Variants in PCDH11Y observed in about 807,000 individuals in gnomAD.
PCDH11Y encodes the protein protocadherin 11 Y-linked, also known as protocadherin-11 Y-linked.
For missense variants in PCDH11Y, 12 were observed against 224.8 expected, an observed-to-expected ratio of 0.05 and a Z score of 6.05; for synonymous variants, 9 against 83.6, an observed-to-expected ratio of 0.11 and a Z score of 4.87.
chrY:5,195,528 A>C, intron 2 of PCDH11Y, among the ~76,000 whole-genome samples: 1 of 33,177 alleles, frequency 3.0e-5, no homozygotes, highest in Non-Finnish European at 7.4e-5. Flanking sequence ...TAACTTTAAA[A>C]TACATAGAAA....
chrY:5,484,926 C>A, intron 2 of PCDH11Y, among the ~76,000 whole-genome samples: 1 of 33,194 alleles, frequency 3.0e-5, no homozygotes, highest in Non-Finnish European at 7.4e-5. Flanking sequence ...TTTCTGTCCT[C>A]GAAGACAAGT....
downstream of PCDH11Y, chrY:5,105,127 A>G: frequency 1.0e-5 from 1 of 96,694 alleles, no homozygotes; most frequent in Middle Eastern, 4.2e-3. Context: ...CTGTAGTCCC[A>G]GCTACTCGGG....
intron 1 of PCDH11Y, among the ~76,000 whole-genome samples, chrY:5,009,239 G>C: frequency 3.0e-5 from 1 of 32,880 alleles, no homozygotes. Context: ...TTTGTTTTTT[G>C]TTGCAGTAAA....
intron 2 of PCDH11Y, among the ~76,000 whole-genome samples, chrY:5,409,778 C>A (rs2053244551): frequency 3.0e-5 from 1 of 33,136 alleles, no homozygotes; most frequent in Non-Finnish European, 7.4e-5. Context: ...AATTTTGTTT[C>A]TTATTGTTAT....
intron 1 of PCDH11Y, among the ~76,000 whole-genome samples, chrY:5,013,622 A>T: frequency 3.0e-5 from 1 of 33,433 alleles, no homozygotes; most frequent in African/African-American, 1.2e-4. Flanking sequence ...AAGGAAATGG[A>T]TTAATTATAT....
At chrY:5,540,084 T>G in intron 3 of PCDH11Y, among the ~76,000 whole-genome samples, 1 of 32,388 alleles carries the variant, frequency 3.1e-5, no homozygotes, top group Non-Finnish European at 7.7e-5. Flanking sequence ...TTGCATTATC[T>G]TCTTTCCTCT....
At chrY:5,071,472 T>C in intron 1 of PCDH11Y, among the ~76,000 whole-genome samples, 2 of 30,712 alleles carry the variant, frequency 6.5e-5, no homozygotes, top group African/African-American at 2.5e-4. Context: ...CTCCATTAGA[T>C]GTTCTTTTCT....
At chrY:5,292,309 A>G in intron 2 of PCDH11Y, among the ~76,000 whole-genome samples, 4 of 33,086 alleles carry the variant, frequency 1.2e-4, no homozygotes, top group African/African-American at 3.5e-4. Context: ...TTTTTTGAAA[A>G]GTTTGAGTAG....
chrY:5,410,365 T>A (rs2053245788), intron 2 of PCDH11Y, among the ~76,000 whole-genome samples: 2 of 23,931 alleles, frequency 8.4e-5, no homozygotes, highest in Non-Finnish European at 1.6e-4. Context: ...AGCGAAACCC[T>A]GTCTCAAAAA....
intron 1 of PCDH11Y, among the ~76,000 whole-genome samples, chrY:5,005,602 A>G (rs2052538492): frequency 3.0e-5 from 1 of 33,126 alleles, no homozygotes; most frequent in Non-Finnish European, 7.5e-5. Flanking sequence ...TCCCTGCATC[A>G]TCTCTGAACC....
intron 2 of PCDH11Y, among the ~76,000 whole-genome samples, chrY:5,311,693 T>C (rs2053101188): frequency 1.0e-4 from 3 of 29,042 alleles, no homozygotes; most frequent in Non-Finnish European, 2.4e-4. Flanking sequence ...TAGCTCTTTT[T>C]TATTTGTTTA....
At chrY:5,429,425 G>A in intron 2 of PCDH11Y, among the ~76,000 whole-genome samples, 1 of 33,337 alleles carries the variant, frequency 3.0e-5, no homozygotes, top group Non-Finnish European at 7.4e-5. Context: ...TGGAGGATTG[G>A]CATCTATCCA....
intron 2 of PCDH11Y, among the ~76,000 whole-genome samples, chrY:5,262,116 G>C: frequency 6.1e-5 from 2 of 32,923 alleles, no homozygotes; most frequent in Non-Finnish European, 1.5e-4. Context: ...ATATTCCTTT[G>C]GGATTCCTTT....
chrY:5,005,401 T>A, intron 1 of PCDH11Y, among the ~76,000 whole-genome samples: 1 of 33,568 alleles, frequency 3.0e-5, no homozygotes, highest in Non-Finnish European at 7.4e-5. Flanking sequence ...CTTTGGGGAA[T>A]AAAATTTCTC....
chrY:5,711,528 C>T, intron 4 of PCDH11Y, among the ~76,000 whole-genome samples: 2 of 31,518 alleles, frequency 6.3e-5, no homozygotes, highest in South Asian at 7.4e-4. Context: ...CACTGGCTCA[C>T]GCCTGTAATC....
intron 2 of PCDH11Y, among the ~76,000 whole-genome samples, chrY:5,117,210 T>A (rs2124639674): frequency 2.1e-4 from 7 of 32,582 alleles, no homozygotes; most frequent in African/African-American, 8.4e-4. Context: ...GGAAAACAGT[T>A]TTCTGATCAT....
intron 2 of PCDH11Y, among the ~76,000 whole-genome samples, chrY:5,308,656 C>T (rs2053092984): frequency 6.0e-5 from 2 of 33,207 alleles, no homozygotes; most frequent in African/African-American, 1.2e-4. Context: ...AGCAAGACTC[C>T]GTCAAAAACA....
chrY:5,525,992 AAAGT>A (rs2053387508), intron 3 of PCDH11Y, among the ~76,000 whole-genome samples: 1 of 31,789 alleles, frequency 3.1e-5, no homozygotes. Context: ...GGTAGAGAAA[AAAGT>A]AAGCATATTC....
intron 2 of PCDH11Y, among the ~76,000 whole-genome samples, chrY:5,499,874 C>T: frequency 3.1e-5 from 1 of 32,218 alleles, no homozygotes. Flanking sequence ...ATAGCTATTT[C>T]TACTCCACAA....
Sources: allele counts gnomAD v4.1 joint callset (sites outside exome capture counted in the v4.1 genomes callset), GRCh38; gene constraint gnomAD v4.1.1; transcripts MANE v1.5; gene names NCBI Gene and HGNC (gene_info 2026-07-23, HGNC 2026-07-21).